The following SSH1 variants were observed in gnomAD, a reference collection of about 807,000 sequenced individuals.
SSH1 encodes the protein protein phosphatase Slingshot homolog 1.
Under a neutral mutation model 79.7 loss-of-function variants are expected in SSH1, and 43 were observed. The ratio of observed to expected loss-of-function variants is 0.54; its 90% CI spans 0.42 to 0.70. The LOEUF (loss-of-function observed/expected upper bound fraction) is 0.70, where lower values mean the gene tolerates loss of function less well. Among genes scored for constraint, SSH1 ranks in the 30% least tolerant of loss-of-function variants. The pLI, the probability that SSH1 is intolerant of heterozygous loss-of-function variation, is 0.00. For missense variants in SSH1, 1,206 were observed against 1,358.8 expected, an observed-to-expected ratio of 0.89 and a Z score of 1.77; for synonymous variants, 599 against 538.3, an observed-to-expected ratio of 1.11 and a Z score of -1.56.
intron 5 of SSH1, among the ~76,000 whole-genome samples, chr12:108,815,434 G>A (rs961128667): frequency 2.0e-5 from 3 of 152,218 alleles, no homozygotes; most frequent in Non-Finnish European, 2.9e-5. Context: ...GCCGATTTCC[G>A]TTCGGGATCA....
At chr12:108,808,449 CT>C (rs1456079225) in intron 7 of SSH1, among the ~76,000 whole-genome samples, 4 of 152,236 alleles carry the variant, frequency 2.6e-5, no homozygotes, top group Non-Finnish European at 5.9e-5. Flanking sequence ...CTTCATAACT[CT>C]TCCAATCAGG....
chr12:108,788,321 A>C lies in SSH1; in HGVS notation c.2817T>G (p.Asp939Glu), dbSNP rs775769339. ...GCTTCCCACGGACACTGTGGATGCT[A>C]TCGCTGCTGGAGCTCCGGGTCAGGT... ...SSNLTRSSSS[D>E]SIHSVRGKPG... Residue 939 changes from aspartate to glutamate, a missense_variant, in exon 15 of 15, where the codon GAT (aspartate) becomes GAG (glutamate). Asp to Glu is a conservative substitution (Grantham distance 45). Coordinates refer to ENST00000326495, the MANE Select transcript of SSH1 (RefSeq NM_018984.4). 3 of 1,613,306 alleles carry C rather than the reference A, an allele frequency of 1.9e-6. No individual in the cohort carries two copies. Among genetic ancestry groups the C allele is most frequent in the Non-Finnish European group, 8.5e-7 (1 of 1,179,906 alleles).
At chr12:108,817,236 A>C (rs776367700) in intron 4 of SSH1, 77 bp from the exon 5 acceptor site, 20 of 1,591,852 alleles carry the variant, frequency 1.3e-5, no homozygotes, top group Non-Finnish European at 1.3e-5. Context: ...TGCAAGATCA[A>C]CACTTTCAGT....
chr12:108,797,685 G>C (rs548400844), intron 13 of SSH1, among the ~76,000 whole-genome samples: 1 of 152,264 alleles, frequency 6.6e-6, no homozygotes, highest in South Asian at 2.1e-4. Flanking sequence ...GAGGCAGAGA[G>C]GTGGCTTGAC....
chr12:108,854,991 T>C (rs565973233), intron 1 of SSH1, among the ~76,000 whole-genome samples: 1 of 152,328 alleles, frequency 6.6e-6, no homozygotes, highest in South Asian at 2.1e-4. Flanking sequence ...GCAGCTTTGC[T>C]ATGATCAAAT....
Position 108,792,656 on chromosome 12 carries a change from G to A in SSH1, c.1523C>T (p.Pro508Leu), listed in dbSNP as rs1475410779. 1.2e-6 allele frequency: 2 copies of A among 1,611,942 alleles called. No individual in the cohort carries two copies. The highest frequency in any genetic ancestry group is 8.5e-7 in the Non-Finnish European group (1 of 1,179,874). Residue 508 changes from proline (P) to leucine (L), a missense_variant, in exon 14 of 15, where the codon CCC (proline) becomes CTC (leucine). Pro to Leu is a moderately conservative substitution (Grantham distance 98, BLOSUM62 -3). This residue lies in a region of SSH1 where 709 missense variants were observed against 730.6 expected (regional missense o/e 0.97). Coordinates refer to ENST00000326495, the MANE Select transcript of SSH1 (RefSeq NM_018984.4). ...AAQPGLGPPLPCCFRRLSDPL... is the reference protein window; with the variant it reads ...AAQPGLGPPLLCCFRRLSDPL... ...GTCTGAGAGTCGCCGGAAACAGCAG[G>A]GGAGGGGGGGCCCTAAGCCGGGCTG... is the stretch of plus-strand genomic sequence containing the variant.
chr12:108,814,349 C>CTT (rs763191169), intron 5 of SSH1, among the ~76,000 whole-genome samples: 8 of 145,146 alleles, frequency 5.5e-5, no homozygotes, highest in Non-Finnish European at 1.1e-4. Context: ...TTGTCTCTTC[C>CTT]TTTTTTTTTT....
chr12:108,822,689 A>C (rs2038168823), intron 3 of SSH1, among the ~76,000 whole-genome samples: 1 of 152,212 alleles, frequency 6.6e-6, no homozygotes, highest in African/African-American at 2.4e-5. Context: ...CAGTCTTACT[A>C]CTTAGTAGGC....
At chr12:108,809,789 T>C in intron 6 of SSH1, 31 bp from the exon 7 acceptor site, 2 of 1,601,684 alleles carry the variant, frequency 1.2e-6, no homozygotes, top group Non-Finnish European at 1.7e-6. Flanking sequence ...GAAAGGTATC[T>C]GTGGTGAGAA....
intron 2 of SSH1, among the ~76,000 whole-genome samples, chr12:108,851,178 C>T (rs2039031730): frequency 6.6e-6 from 1 of 152,160 alleles, no homozygotes; most frequent in Non-Finnish European, 1.5e-5. Context: ...CCAGCGAGGA[C>T]CCAGAAATAA....
In SSH1 at chr12:108,857,019, GCA is replaced by G. The variant is rs1405590021; in HGVS notation, c.69+407_69+408del. Among the ~76,000 whole-genome samples the G allele has an allele frequency of 2.0e-5, 3 of 152,202 alleles. No individual in the cohort carries two copies. Among genetic ancestry groups the G allele is most frequent in the East Asian group, 1.9e-4 (1 of 5,184 alleles). Reference sequence around the variant, plus strand: ...CCCACACAATCACGAGGTCACATCTGCACACACAGTCTCTGCACAGTCACCCT... The same window carrying G: ...CCCACACAATCACGAGGTCACATCTGCACACAGTCTCTGCACAGTCACCCT... On this transcript the variant is annotated intron_variant, in intron 1 of 14. Coordinates refer to ENST00000326495, the MANE Select transcript of SSH1 (RefSeq NM_018984.4). The surrounding 1 kb of genome is among the most constrained non-coding windows in gnomAD (Gnocchi z 4.7).
intron 2 of SSH1, among the ~76,000 whole-genome samples, chr12:108,830,832 A>G (rs1181489425): frequency 6.6e-6 from 1 of 152,084 alleles, no homozygotes; most frequent in East Asian, 1.9e-4. Context: ...TGAAACAGAC[A>G]TGGGGTCTCG....
At chr12:108,811,691 CA>C in intron 5 of SSH1, 1 of 379,998 alleles carries the variant, frequency 2.6e-6, no homozygotes, top group Non-Finnish European at 5.1e-6. Flanking sequence ...TGGGTGGCGG[CA>C]GGGGGAGCGT....
Position 108,788,877 on chromosome 12 carries a change from G to A in SSH1, c.2261C>T (p.Ser754Phe), listed in dbSNP as rs151176410. 2.0e-3 allele frequency: 3,287 copies of A among 1,614,238 alleles called. 7 individuals carry two copies. The highest frequency in any genetic ancestry group is 2.6e-3 in the Non-Finnish European group (3,105 of 1,180,048). ...SRETPKVLPK[S>F]LLLKNSHCDK... ...ACAGTGAGAATTCTTCAAAAGGAGG[G>A]ACTTTGGCAGGACTTTTGGGGTCTC... The change falls in exon 15 of 15, where the codon TCC becomes TTC. Residue 754 changes from serine to phenylalanine, a missense_variant. Transcript: ENST00000326495.
intron 2 of SSH1, among the ~76,000 whole-genome samples, chr12:108,829,128 G>A (rs2038409054): frequency 6.6e-6 from 1 of 152,110 alleles, no homozygotes; most frequent in South Asian, 2.1e-4. Context: ...AGGAGTTCGA[G>A]ACTAGCATGG....
intron 7 of SSH1, among the ~76,000 whole-genome samples, chr12:108,808,567 T>C (rs1219728312): frequency 1.3e-5 from 2 of 152,226 alleles, no homozygotes; most frequent in Non-Finnish European, 2.9e-5. Context: ...ACATTGAACC[T>C]AAGACCCACA....
At chr12:108,806,202 A>G (rs535980682) in intron 9 of SSH1, 99 bp downstream of exon 9, 9 of 1,147,712 alleles carry the variant, frequency 7.8e-6, no homozygotes, top group African/African-American at 7.6e-5. Context: ...ACAGGTAAAG[A>G]CAACCAGATG....
intron 2 of SSH1, among the ~76,000 whole-genome samples, chr12:108,839,630 C>T (rs1266614279): frequency 6.6e-6 from 1 of 152,118 alleles, no homozygotes; most frequent in African/African-American, 2.4e-5. Context: ...CTTGAACAGC[C>T]TTCTCTGAAA....
intron 13 of SSH1, among the ~76,000 whole-genome samples, chr12:108,795,431 T>C (rs2036707608): frequency 6.6e-6 from 1 of 151,996 alleles, no homozygotes; most frequent in South Asian, 2.1e-4. Flanking sequence ...TTTTGTATAT[T>C]TTTAGAAGAG....
Sources: gnomAD v4.1 joint callset for allele counts (sites outside exome capture counted in the v4.1 genomes callset) on GRCh38, gnomAD v4.1.1 for gene constraint, gnomAD v4.1.1 regional missense constraint, Gnocchi (gnomAD v3.1) non-coding constraint, MANE v1.5 for transcripts, NCBI Gene and HGNC (gene_info 2026-07-23, HGNC 2026-07-21) for gene names.